NOS1: variants seen among roughly 807,000 people sequenced by gnomAD.
NOS1 encodes NOS type I.
NOS1 carries 51 observed loss-of-function variants against 164.5 expected under a neutral mutation model. The ratio of observed to expected loss-of-function variants is 0.31; its 90% CI spans 0.25 to 0.39. The LOEUF (loss-of-function observed/expected upper bound fraction) is 0.39. NOS1 is among the 10% of genes least tolerant of loss of function. The probability of loss-of-function intolerance (pLI) is 1.00; values close to 1 mark genes in which losing one functional copy is unlikely to be tolerated. For synonymous variants in NOS1, 719 were observed against 745.8 expected, an observed-to-expected ratio of 0.96 and a Z score of 0.59; for missense variants, 1,362 against 1,885.6, an observed-to-expected ratio of 0.72 and a Z score of 5.14.
At chr12:117,351,576 G>A (rs1481839257) in intron 1 of NOS1, among the ~76,000 whole-genome samples, 2 of 152,256 alleles carry the variant, frequency 1.3e-5, no homozygotes, top group East Asian at 3.9e-4. Context: ...TTGGGAGGAG[G>A]GATGAGGAAT....
intron 1 of NOS1, among the ~76,000 whole-genome samples, chr12:117,359,600 C>T (rs1227720890): frequency 6.6e-6 from 1 of 152,036 alleles, no homozygotes; most frequent in Non-Finnish European, 1.5e-5. Flanking sequence ...TGCACCGCAC[C>T]CTTGCCTAGC....
At position 117,234,987 on chromosome 12, in the gene NOS1, C is replaced by T. The variant is rs760466885; in HGVS notation, c.3042-229G>A. Among the ~76,000 whole-genome samples, 7 of 151,908 alleles carry T rather than the reference C, an allele frequency of 4.6e-5. No homozygotes were observed. The highest frequency in any genetic ancestry group is 1.2e-4 in the African/African-American group (5 of 41,346). ...TGGCTGGAGTGCAGTGGTGCGATCACGGCTCACTGCAGCCTCTATCTCCCA... is the reference window on the plus strand; with the variant it reads ...TGGCTGGAGTGCAGTGGTGCGATCATGGCTCACTGCAGCCTCTATCTCCCA... On this transcript the variant is annotated intron_variant, in intron 20 of 28. Coordinates refer to ENST00000317775, the MANE Select transcript of NOS1 (RefSeq NM_000620.5). This position sits in a 1 kb window ranked among gnomAD's most constrained non-coding sequence, Gnocchi z 4.3.
At chr12:117,258,849 C>T (rs1871667201) in intron 15 of NOS1, among the ~76,000 whole-genome samples, 177 bp downstream of exon 15, 1 of 152,206 alleles carries the variant, frequency 6.6e-6, no homozygotes, top group Non-Finnish European at 1.5e-5. Context: ...CGCCAGTAGA[C>T]TGAGTACTTG....
Position 117,208,881 on chromosome 12 carries a change from C to A in NOS1, c.*6428G>T. On this transcript the variant is annotated 3_prime_UTR_variant, in exon 29 of 29. Coordinates refer to ENST00000317775, the MANE Select transcript of NOS1 (RefSeq NM_000620.5). ...GGGATTACAGATGCCCGCCACCACG[C>A]CGGGCTGATTTTTGTATTTTTAGTA... The A allele has an allele frequency of 1.6e-6, 1 of 607,522 alleles. No individual in the cohort carries two copies. Among genetic ancestry groups the A allele is most frequent in the Non-Finnish European group, 2.1e-6 (1 of 484,234 alleles). 37.6% of individuals were successfully genotyped at this position (607,522 alleles called of 1,614,324 possible). A position where few individuals can be genotyped will look rare whatever the true frequency, so the allele number is the denominator to read the frequency against.
At chr12:117,279,387 A>AG (rs1174786882) in intron 8 of NOS1, among the ~76,000 whole-genome samples, 4 of 131,604 alleles carry the variant, frequency 3.0e-5, no homozygotes, top group African/African-American at 5.4e-5. Flanking sequence ...AAAAAAAACC[A>AG]AAAAAAACAA....
Position 117,215,181 on chromosome 12 carries a change from G to A in NOS1, c.*128C>T. Reference sequence around the variant, plus strand: ...ACCACTGAGGGGCGAGAAGCCCGAGGAGGGAAACCAGGGCACAGCGACAAG... The same window carrying A: ...ACCACTGAGGGGCGAGAAGCCCGAGAAGGGAAACCAGGGCACAGCGACAAG... On this transcript the variant is annotated 3_prime_UTR_variant, in exon 29 of 29. Coordinates refer to ENST00000317775, the MANE Select transcript of NOS1 (RefSeq NM_000620.5). 7.5e-7 allele frequency: 1 copy of A among 1,336,586 alleles called. No homozygotes were observed. Among genetic ancestry groups the A allele is most frequent in the Non-Finnish European group, 9.7e-7 (1 of 1,033,762 alleles). The allele number at this position is 1,336,586 out of a possible 1,614,324, so 82.8% of individuals were successfully genotyped here. A position where few individuals can be genotyped will look rare whatever the true frequency, so the allele number is the denominator to read the frequency against.
intron 1 of NOS1, among the ~76,000 whole-genome samples, chr12:117,337,267 T>C (rs1875879225): frequency 2.0e-5 from 3 of 151,968 alleles, no homozygotes; most frequent in African/African-American, 7.3e-5. Flanking sequence ...AGACATGTGC[T>C]ACCATGCCCG....
chr12:117,283,474 C>A (rs903711248), intron 7 of NOS1, among the ~76,000 whole-genome samples: 1 of 152,156 alleles, frequency 6.6e-6, no homozygotes, highest in African/African-American at 2.4e-5. Context: ...CTCACAAAGA[C>A]CCCTTAATAC....
intron 13 of NOS1, among the ~76,000 whole-genome samples, chr12:117,262,014 T>C (rs1296067723): frequency 6.6e-6 from 1 of 152,184 alleles, no homozygotes; most frequent in African/African-American, 2.4e-5. Flanking sequence ...CTGTTGTAAC[T>C]AGAAATCTCA....
intron 3 of NOS1, chr12:117,304,987 C>T: frequency 4.1e-6 from 4 of 984,788 alleles, no homozygotes; most frequent in Non-Finnish European, 4.8e-6. Flanking sequence ...CATTCTATTG[C>T]CTTTTGCCCA....
intron 1 of NOS1, among the ~76,000 whole-genome samples, chr12:117,353,410 C>T (rs114133353): frequency 0.02 from 3,053 of 152,288 alleles, 102 homozygotes; most frequent in African/African-American, 0.068. Flanking sequence ...GATGTCTCAG[C>T]TCTAAATTCT....
chr12:117,210,674 T>C lies in NOS1; in HGVS notation c.*4635A>G. ...GAGCTAGGTCAGGACACCTCTCACT[T>C]GTTTTGAGCTTAGGGCAAGACCTGA... On this transcript the variant is annotated 3_prime_UTR_variant, in exon 29 of 29. Coordinates refer to ENST00000317775, the MANE Select transcript of NOS1 (RefSeq NM_000620.5). 1.0e-6 allele frequency: 1 copy of C among 985,428 alleles called. No homozygotes were observed. Among genetic ancestry groups the C allele is most frequent in the Non-Finnish European group, 1.2e-6 (1 of 829,938 alleles). 61.0% of individuals were successfully genotyped at this position (985,428 alleles called of 1,614,324 possible).
chr12:117,248,351 C>T (rs1021094348), intron 17 of NOS1, among the ~76,000 whole-genome samples: 1 of 151,714 alleles, frequency 6.6e-6, no homozygotes, highest in Non-Finnish European at 1.5e-5. Flanking sequence ...CCCCTCTCCC[C>T]CCACCCCACA....
In NOS1 at chr12:117,209,557, G is replaced by C; in HGVS notation, c.*5752C>G. On this transcript the variant is annotated 3_prime_UTR_variant, in exon 29 of 29. Transcript: ENST00000317775. ...TCTCGTTAATAACGGACTGTGTTTT[G>C]GGCCAGACGGGCATAGCCCCGCTTG... 1.0e-6 allele frequency: 1 copy of C among 985,484 alleles called. No homozygotes were observed. Among genetic ancestry groups the C allele is most frequent in the Non-Finnish European group, 1.2e-6 (1 of 829,966 alleles). 61.0% of individuals were successfully genotyped at this position (985,484 alleles called of 1,614,324 possible).
chr12:117,352,185 A>T (rs1384868782), intron 1 of NOS1, among the ~76,000 whole-genome samples: 1 of 149,262 alleles, frequency 6.7e-6, no homozygotes, highest in African/African-American at 2.5e-5. Flanking sequence ...AAATACATAC[A>T]TACATACATA....
At chr12:117,219,303 GTTTT>G (rs10595279) in intron 27 of NOS1, among the ~76,000 whole-genome samples, 10,776 of 149,570 alleles carry the variant, frequency 0.072, 1,076 homozygotes, top group African/African-American at 0.23. Flanking sequence ...GTTTTGTTTT[GTTTT>G]TTTTGTTTTT....
intron 20 of NOS1, among the ~76,000 whole-genome samples, chr12:117,239,866 C>T (rs1358686658): frequency 1.3e-5 from 2 of 151,482 alleles, no homozygotes; most frequent in Non-Finnish European, 2.9e-5. Flanking sequence ...TAATTCATAA[C>T]TGATTTTAAT....
At chr12:117,328,971 G>C (rs1875396883) in intron 2 of NOS1, among the ~76,000 whole-genome samples, 1 of 152,198 alleles carries the variant, frequency 6.6e-6, no homozygotes, top group Non-Finnish European at 1.5e-5. Context: ...ACGGAATGCT[G>C]CAGGCAACTG....
intron 2 of NOS1, among the ~76,000 whole-genome samples, chr12:117,324,929 G>A (rs929766166): frequency 3.3e-5 from 5 of 152,184 alleles, no homozygotes; most frequent in African/African-American, 1.2e-4. Flanking sequence ...CTACAGGGAC[G>A]TCCCATGGGG....
Sources: gnomAD v4.1 joint callset for allele counts (sites outside exome capture counted in the v4.1 genomes callset) on GRCh38, gnomAD v4.1.1 for gene constraint, Gnocchi (gnomAD v3.1) non-coding constraint, MANE v1.5 for transcripts, NCBI Gene and HGNC (gene_info 2026-07-23, HGNC 2026-07-21) for gene names.